The following ITGA11 variants were observed in gnomAD, a reference collection of about 807,000 sequenced individuals.
ITGA11 encodes the protein integrin alpha-11.
A neutral mutation model predicts 141.9 loss-of-function variants in ITGA11; 97 were observed. The ratio of observed to expected loss-of-function variants is 0.68; its 90% CI spans 0.58 to 0.81. ITGA11 has a LOEUF of 0.81. Ranked by LOEUF, ITGA11 falls within the 30% of genes least tolerant of loss-of-function variation. ITGA11 has a pLI of 0.00. For missense variants in ITGA11, 1,387 were observed against 1,559.2 expected (o/e 0.89, Z 1.86); for synonymous variants, 658 against 624.6 (o/e 1.05, Z -0.80).
intron 1 of ITGA11, among the ~76,000 whole-genome samples, chr15:68,425,661 C>T (rs16952059): frequency 0.13 from 19,932 of 152,236 alleles, 2,081 homozygotes; most frequent in African/African-American, 0.28. Context: ...ACAGAAGGAA[C>T]ATTGGGAGTG....
At chr15:68,388,029 A>G (rs927880790) in intron 2 of ITGA11, among the ~76,000 whole-genome samples, 68 of 152,066 alleles carry the variant, frequency 4.5e-4, no homozygotes, top group Non-Finnish European at 2.1e-4. Context: ...CCTCCCCTGC[A>G]CCTGGATGGC....
rs576118179 is a variant in ITGA11 at position 68,302,726 on chromosome 15, G to A, written c.*333C>T. The A allele has an allele frequency of 4.7e-5, 13 of 275,862 alleles. No homozygotes were observed. The South Asian group carries it at 7.0e-4, about 15-fold the overall frequency. 17.1% of individuals were successfully genotyped at this position (275,862 alleles called of 1,614,324 possible). A position where few individuals can be genotyped will look rare whatever the true frequency, so the allele number is the denominator to read the frequency against. On this transcript the variant is annotated 3_prime_UTR_variant, in exon 30 of 30. Coordinates refer to ENST00000315757, the MANE Select transcript of ITGA11 (RefSeq NM_001004439.2). ...TTCTCTGGAGGATGGGGATGATTAC[G>A]AATTCCTAGCACCTTAGTAGCTGGG...
chr15:68,307,197 C>T lies in ITGA11; in HGVS notation c.3381+151G>A, dbSNP rs749990568. The T allele has an allele frequency of 6.0e-5, 37 of 617,388 alleles. No homozygotes were observed. Among genetic ancestry groups the T allele is most frequent in the Middle Eastern group, 4.3e-4 (1 of 2,334 alleles). The allele number at this position is 617,388 out of a possible 1,614,324, so 38.2% of individuals were successfully genotyped here. ...GTCTTGCTTTTTTCCCTCTTTTCAG[C>T]GGCTGCCCTAACAGCCCACAGGTCT... is the stretch of plus-strand genomic sequence containing the variant. On this transcript the variant is annotated intron_variant, in intron 28 of 29. Transcript: ENST00000315757. The surrounding 1 kb of genome is among the most constrained non-coding windows in gnomAD (Gnocchi z 6.1).
At chr15:68,358,304 CT>C (rs1259284782) in intron 6 of ITGA11, among the ~76,000 whole-genome samples, 153 bp downstream of exon 6, 1 of 152,220 alleles carries the variant, frequency 6.6e-6, no homozygotes, top group Non-Finnish European at 1.5e-5. Context: ...GTGTCCTGAG[CT>C]GCAGTGCCCC....
intron 1 of ITGA11, among the ~76,000 whole-genome samples, chr15:68,406,574 T>A (rs1896655904): frequency 6.6e-6 from 1 of 152,166 alleles, no homozygotes; most frequent in South Asian, 2.1e-4. Context: ...TGTGCTCCAT[T>A]TTTCCTCATA....
intron 2 of ITGA11, among the ~76,000 whole-genome samples, chr15:68,397,449 A>T: frequency 1.1e-5 from 1 of 93,708 alleles, no homozygotes; most frequent in Non-Finnish European, 1.8e-5. Context: ...AAATTAATAA[A>T]ATATAAAATT....
At position 68,317,298 on chromosome 15, in the gene ITGA11, G is replaced by C; in HGVS notation, c.2682C>G (p.Asn894Lys). 1 of 1,613,812 alleles carries C rather than the reference G, an allele frequency of 6.2e-7. No individual in the cohort carries two copies. The highest frequency in any genetic ancestry group is 8.5e-7 in the Non-Finnish European group (1 of 1,179,744). Residue 894 changes from asparagine to lysine, a missense_variant, in exon 21 of 30, where the codon AAC becomes AAG. By Grantham distance (94) the Asn-to-Lys change is moderately conservative. Coordinates refer to ENST00000315757, the MANE Select transcript of ITGA11 (RefSeq NM_001004439.2). ...EERRLQKQVC[N>K]VSYPFFRAKA... ...TGGCCCGGAAGAAGGGATAGCTGAC[G>C]TTGCAGACTTGCTTCTGGAGCCTCC...
At chr15:68,317,048 C>T (rs1893603478) in intron 21 of ITGA11, among the ~76,000 whole-genome samples, 1 of 152,208 alleles carries the variant, frequency 6.6e-6, no homozygotes, top group African/African-American at 2.4e-5. Context: ...GGAATTCTCT[C>T]TGAGTTAAAG....
intron 15 of ITGA11, among the ~76,000 whole-genome samples, chr15:68,330,121 T>C (rs532811813): frequency 6.6e-6 from 1 of 152,340 alleles, no homozygotes; most frequent in African/African-American, 2.4e-5. Flanking sequence ...TTGCTCCCAC[T>C]CCCAAAGCAT....
intron 2 of ITGA11, among the ~76,000 whole-genome samples, chr15:68,402,532 G>A (rs1052828444): frequency 1.1e-4 from 16 of 151,700 alleles, no homozygotes; most frequent in African/African-American, 3.2e-4. Flanking sequence ...TTGCCCCATC[G>A]CTGCCTGGGT....
At position 68,308,128 on chromosome 15, in the gene ITGA11, A is replaced by T. The variant is rs549418296; in HGVS notation, c.3175-432T>A. ...GAATCAGATAAAAGGGGTCTTCATAAAGTTCATGGAAAATGTGTATTATGG... is the reference window on the plus strand; with the variant it reads ...GAATCAGATAAAAGGGGTCTTCATATAGTTCATGGAAAATGTGTATTATGG... On this transcript the variant is annotated intron_variant, in intron 26 of 29. Coordinates refer to ENST00000315757, the MANE Select transcript of ITGA11 (RefSeq NM_001004439.2). This position sits in a 1 kb window ranked among gnomAD's most constrained non-coding sequence, Gnocchi z 5.2. Among the ~76,000 whole-genome samples the T allele has an allele frequency of 3.9e-5, 6 of 152,326 alleles. No individual in the cohort carries two copies. Among genetic ancestry groups the T allele is most frequent in the Admixed American group, 6.5e-5 (1 of 15,296 alleles).
chr15:68,357,305 A>G lies in ITGA11; in HGVS notation c.601-6T>C. On this transcript the variant is annotated splice_region_variant and splice_polypyrimidine_tract_variant and intron_variant, in intron 6 of 29. Coordinates refer to ENST00000315757, the MANE Select transcript of ITGA11 (RefSeq NM_001004439.2). ...CCATACTGCACAACTCCAACCTGCAAGGGAGAGGAGAGGGCAACAGAACAT... is the reference window on the plus strand; with the variant it reads ...CCATACTGCACAACTCCAACCTGCAGGGGAGAGGAGAGGGCAACAGAACAT... 1 of 1,608,934 alleles carries G rather than the reference A, an allele frequency of 6.2e-7. No individual in the cohort carries two copies.
chr15:68,410,133 T>C (rs1478522807), intron 1 of ITGA11, among the ~76,000 whole-genome samples: 1 of 152,022 alleles, frequency 6.6e-6, no homozygotes, highest in African/African-American at 2.4e-5. Flanking sequence ...GGGGCCAGAG[T>C]CCCAAGGGTC....
intron 4 of ITGA11, among the ~76,000 whole-genome samples, chr15:68,363,457 A>G (rs1356226597): frequency 6.6e-6 from 1 of 152,156 alleles, no homozygotes; most frequent in Non-Finnish European, 1.5e-5. Context: ...CTGAATATAC[A>G]TCAAGGCACC....
chr15:68,385,310 C>T (rs1895958772), intron 2 of ITGA11, among the ~76,000 whole-genome samples: 2 of 152,190 alleles, frequency 1.3e-5, no homozygotes, highest in Admixed American at 1.3e-4. Context: ...CCTGTGTGTG[C>T]CCCGAGACAG....
intron 1 of ITGA11, among the ~76,000 whole-genome samples, chr15:68,405,162 T>TA (rs796495795): frequency 4.0e-5 from 6 of 148,886 alleles, no homozygotes; most frequent in African/African-American, 1.5e-4. Context: ...TGTCTCCCTT[T>TA]TTTTTTTTTT....
rs1260251331 is a variant in ITGA11, at chr15:68,311,417, C to G, written c.2974-14G>C. The stretch of plus-strand genomic sequence containing the variant: ...CAAGTTCTGGATCTGTGGCCAGAGA[C>G]AGGGAGGTGTCAGTACAGTCAGTTG... On this transcript the variant is annotated splice_polypyrimidine_tract_variant and intron_variant, in intron 24 of 29. Transcript: ENST00000315757. 3.9e-6 allele frequency: 6 copies of G among 1,522,472 alleles called. No individual in the cohort carries two copies. In the Admixed American group the frequency reaches 9.7e-5, roughly 25 times the overall value. The allele number at this position is 1,522,472 out of a possible 1,614,324, so 94.3% of individuals were successfully genotyped here.
chr15:68,384,770 C>T (rs561128389), intron 2 of ITGA11, among the ~76,000 whole-genome samples: 13 of 152,190 alleles, frequency 8.5e-5, no homozygotes, highest in Admixed American at 1.3e-4. Flanking sequence ...TAGCGGAGAG[C>T]GTTTATGTGC....
intron 2 of ITGA11, among the ~76,000 whole-genome samples, chr15:68,382,067 G>C (rs1406002051): frequency 6.6e-6 from 1 of 152,208 alleles, no homozygotes; most frequent in Non-Finnish European, 1.5e-5. Context: ...AGTCTTTTCT[G>C]TCTGGTTCAA....
Sources: gnomAD v4.1 joint callset for allele counts (sites outside exome capture counted in the v4.1 genomes callset) on GRCh38, gnomAD v4.1.1 for gene constraint, Gnocchi (gnomAD v3.1) non-coding constraint, MANE v1.5 for transcripts, NCBI Gene and HGNC (gene_info 2026-07-23, HGNC 2026-07-21) for gene names.